PDE8A: variants seen among roughly 807,000 people sequenced by gnomAD.
PDE8A encodes the protein high affinity cAMP-specific and IBMX-insensitive 3',5'-cyclic phosphodiesterase 8A.
PDE8A carries 59 observed loss-of-function variants against 105.0 expected under a neutral mutation model. The ratio of observed to expected loss-of-function variants is 0.56; its 90% CI spans 0.46 to 0.70. The LOEUF (loss-of-function observed/expected upper bound fraction) is 0.70. PDE8A is among the 30% of genes least tolerant of loss of function. The probability of loss-of-function intolerance (pLI) is 0.00; values close to 1 mark genes in which losing one functional copy is unlikely to be tolerated. For missense variants in PDE8A, 1,014 were observed against 1,045.9 expected, an observed-to-expected ratio of 0.97 and a Z score of 0.42; for synonymous variants, 355 against 371.9, an observed-to-expected ratio of 0.95 and a Z score of 0.52.
At chr15:85,042,222 G>T (rs1418963776) in intron 1 of PDE8A, among the ~76,000 whole-genome samples, 1 of 152,012 alleles carries the variant, frequency 6.6e-6, no homozygotes, top group East Asian at 1.9e-4. Flanking sequence ...TGTCACCCAG[G>T]CTGGAGTGCA....
chr15:85,069,311 C>A (rs2081278008), intron 3 of PDE8A, among the ~76,000 whole-genome samples: 2 of 152,214 alleles, frequency 1.3e-5, no homozygotes, highest in African/African-American at 4.8e-5. Flanking sequence ...GTGCCTAGCA[C>A]TCTCCATCCA....
In PDE8A at chr15:85,078,024, T is replaced by C. The variant is rs1239584465; in HGVS notation, c.546+1237T>C. 2.6e-5 allele frequency among the ~76,000 whole-genome samples: 4 copies of C among 151,972 alleles called. 1 individual carries two copies. Among genetic ancestry groups the C allele is most frequent in the Admixed American group, 6.6e-5 (1 of 15,256 alleles). ...GAGGAAGGATAGAACAGAGGAAATA[T>C]TTGAAGAGTTACTAGCTGAAAATTT... On this transcript the variant is annotated intron_variant, in intron 5 of 21. Transcript: ENST00000394553.
intron 2 of PDE8A, among the ~76,000 whole-genome samples, chr15:85,066,392 C>G (rs2081225158): frequency 6.6e-6 from 1 of 151,916 alleles, no homozygotes; most frequent in South Asian, 2.1e-4. Context: ...GGGACCCCAT[C>G]TCTACTGAAA....
intron 7 of PDE8A, chr15:85,090,690 CCCCCCA>C (rs1368271862): frequency 2.4e-6 from 1 of 413,976 alleles, no homozygotes; most frequent in Non-Finnish European, 4.9e-6. Flanking sequence ...ATTCCATCAT[CCCCCCA>C]CCCCCACCCC....
At chr15:85,061,772 C>G (rs1358430533) in intron 1 of PDE8A, among the ~76,000 whole-genome samples, 2 of 152,106 alleles carry the variant, frequency 1.3e-5, no homozygotes, top group Non-Finnish European at 2.9e-5. Flanking sequence ...ACTGTAAGCT[C>G]TGTTCACTAT....
chr15:85,090,670 C>A, intron 7 of PDE8A: 1 of 406,880 alleles, frequency 2.5e-6, no homozygotes, highest in Non-Finnish European at 5.1e-6. Flanking sequence ...TGCACTCTAC[C>A]TGGTGCTTTA....
intron 1 of PDE8A, among the ~76,000 whole-genome samples, chr15:84,994,889 G>C (rs1019721759): frequency 2.6e-5 from 4 of 151,752 alleles, no homozygotes; most frequent in African/African-American, 9.7e-5. Flanking sequence ...TTGAACCCAG[G>C]AGGCAGAGGC....
At chr15:85,097,591 A>T (rs1017738845) in intron 8 of PDE8A, among the ~76,000 whole-genome samples, 34 of 152,238 alleles carry the variant, frequency 2.2e-4, no homozygotes, top group African/African-American at 8.2e-4. Flanking sequence ...CCCCTCCCAA[A>T]CACAGGGGCA....
chr15:85,068,318 G>A (rs896791787), intron 3 of PDE8A, among the ~76,000 whole-genome samples: 1 of 152,144 alleles, frequency 6.6e-6, no homozygotes, highest in African/African-American at 2.4e-5. Context: ...GGGATTACAG[G>A]TGTGAGCCAC....
chr15:84,981,457 C>T (rs1340648177), upstream of PDE8A, among the ~76,000 whole-genome samples: 1 of 152,172 alleles, frequency 6.6e-6, no homozygotes, highest in East Asian at 1.9e-4. Flanking sequence ...CTCGACGGTG[C>T]GGCCCCAGGC....
intron 1 of PDE8A, among the ~76,000 whole-genome samples, chr15:85,006,684 A>C (rs1450885402): frequency 6.6e-6 from 1 of 151,130 alleles, no homozygotes; most frequent in Non-Finnish European, 1.5e-5. Flanking sequence ...TCTTTTTGTC[A>C]TGTGTGGTGA....
chr15:85,035,916 A>G (rs2080699043), intron 1 of PDE8A, among the ~76,000 whole-genome samples: 1 of 152,262 alleles, frequency 6.6e-6, no homozygotes, highest in Non-Finnish European at 1.5e-5. Context: ...TATGTAACAG[A>G]CAATAATAGC....
chr15:84,982,573 C>T (rs917690240), intron 1 of PDE8A, among the ~76,000 whole-genome samples: 3 of 152,118 alleles, frequency 2.0e-5, no homozygotes, highest in East Asian at 1.9e-4. Context: ...GCGATTAGGA[C>T]GCCGCCTGTG....
chr15:85,070,001 C>T (rs1483540856), intron 3 of PDE8A, among the ~76,000 whole-genome samples: 1 of 152,168 alleles, frequency 6.6e-6, no homozygotes. Context: ...TTTAAGGATG[C>T]CCGCCCACTT....
chr15:85,122,902 C>T (rs138532806), intron 18 of PDE8A, among the ~76,000 whole-genome samples, 159 bp from the exon 19 acceptor site: 477 of 152,316 alleles, frequency 3.1e-3, no homozygotes, highest in African/African-American at 0.011. Context: ...GCACTAACCC[C>T]TAACTTCCAT....
chr15:85,018,189 G>T (rs1382208502), intron 1 of PDE8A, among the ~76,000 whole-genome samples: 3 of 152,166 alleles, frequency 2.0e-5, no homozygotes, highest in Non-Finnish European at 1.5e-5. Context: ...AGCAGTAGAT[G>T]TAGAGGGATA....
chr15:84,999,329 C>T (rs1315800483), intron 1 of PDE8A, among the ~76,000 whole-genome samples: 1 of 152,140 alleles, frequency 6.6e-6, no homozygotes, highest in African/African-American at 2.4e-5. Flanking sequence ...CCATGTTGGC[C>T]AGGCCTGGTC....
At chr15:85,093,842 G>A (rs2081692643) in intron 8 of PDE8A, among the ~76,000 whole-genome samples, 1 of 150,732 alleles carries the variant, frequency 6.6e-6, no homozygotes, top group Non-Finnish European at 1.5e-5. Context: ...ACTTTATATT[G>A]TCAATTCTCT....
intron 19 of PDE8A, among the ~76,000 whole-genome samples, chr15:85,124,450 G>GCTCCT (rs1389042158): frequency 1.3e-5 from 2 of 152,056 alleles, no homozygotes; most frequent in East Asian, 3.8e-4. Flanking sequence ...CTCCTCCCCA[G>GCTCCT]CTCCTATCAC....
Sources: allele counts gnomAD v4.1 joint callset (sites outside exome capture counted in the v4.1 genomes callset), GRCh38; gene constraint gnomAD v4.1.1; transcripts MANE v1.5; gene names NCBI Gene and HGNC (gene_info 2026-07-23, HGNC 2026-07-21).